PPP1R16B: variants seen among roughly 807,000 people sequenced by gnomAD.
PPP1R16B encodes the protein protein phosphatase 1 regulatory inhibitor subunit 16B.
In PPP1R16B, 14 loss-of-function variants were observed where a neutral mutation model predicts 61.7. The observed-to-expected ratio is 0.23, with a 90% CI of 0.15 to 0.35. The LOEUF is 0.35. Ranked by LOEUF, PPP1R16B falls within the 10% of genes least tolerant of loss-of-function variation. PPP1R16B has a pLI of 1.00. For missense variants in PPP1R16B, 547 were observed against 752.5 expected (o/e 0.73, Z 3.19); for synonymous variants, 266 against 305.3 (o/e 0.87, Z 1.34).
intron 2 of PPP1R16B, among the ~76,000 whole-genome samples, chr20:38,866,611 G>T (rs924332332): frequency 6.6e-6 from 1 of 152,160 alleles, no homozygotes; most frequent in Non-Finnish European, 1.5e-5. Flanking sequence ...CCATGGAGGG[G>T]ATACAGCCCG....
intron 1 of PPP1R16B, among the ~76,000 whole-genome samples, chr20:38,826,247 CTG>C (rs571249333): frequency 5.6e-4 from 85 of 152,280 alleles, no homozygotes; most frequent in African/African-American, 1.9e-3. Flanking sequence ...CCTGGAGAAA[CTG>C]TTTGTAATTT....
chr20:38,869,103 T>A (rs1268347517), intron 2 of PPP1R16B, among the ~76,000 whole-genome samples: 1 of 152,140 alleles, frequency 6.6e-6, no homozygotes, highest in Non-Finnish European at 1.5e-5. Flanking sequence ...GCTATTTTTT[T>A]CCTTTTTGTC....
In PPP1R16B at chr20:38,921,352, C is replaced by T. The variant is rs1239274885; in HGVS notation, c.*2686C>T. The T allele has an allele frequency of 1.3e-5, 2 of 152,228 alleles. No individual in the cohort carries two copies. The highest frequency in any genetic ancestry group is 6.5e-5 in the Admixed American group (1 of 15,278). 9.4% of individuals were successfully genotyped at this position (152,228 alleles called of 1,614,324 possible). Reference sequence around the variant, plus strand: ...TACTGAGTAGCTGCAACATGCCAGCCTCTACGTTAGGTTCTGCGGATAAAG... The same window carrying T: ...TACTGAGTAGCTGCAACATGCCAGCTTCTACGTTAGGTTCTGCGGATAAAG... On this transcript the variant is annotated 3_prime_UTR_variant, in exon 11 of 11. Transcript: ENST00000299824.
rs143633806 is a variant in PPP1R16B, at chr20:38,811,826, A to G, written c.-102+6034A>G. On this transcript the variant is annotated intron_variant, in intron 1 of 10. Coordinates refer to ENST00000299824, the MANE Select transcript of PPP1R16B (RefSeq NM_015568.4). ...CTGTGGTGCACAGGAGAGCACCCCC[A>G]CAACAGAAAATGATCTGATCCCAAA... Among the ~76,000 whole-genome samples the G allele has an allele frequency of 4.3e-3, 660 of 152,330 alleles. 2 individuals are homozygous for G. The highest frequency in any genetic ancestry group is 0.01 in the Middle Eastern group (3 of 294).
chr20:38,855,904 CTACATATATATATATATATATATA>C (rs1181468450), intron 2 of PPP1R16B, among the ~76,000 whole-genome samples: 3 of 50,142 alleles, frequency 6.0e-5, no homozygotes, highest in Non-Finnish European at 1.1e-4. Flanking sequence ...AGACAGTTTC[CTACATATATATATATATATATATA>C]TATATATATA....
chr20:38,896,260 T>C (rs2085348686), intron 4 of PPP1R16B, among the ~76,000 whole-genome samples: 1 of 137,834 alleles, frequency 7.3e-6, no homozygotes, highest in South Asian at 2.5e-4. Flanking sequence ...CTCCCTCCCT[T>C]CCTTTCTTCT....
At chr20:38,888,083 T>C (rs2085259808) in intron 2 of PPP1R16B, among the ~76,000 whole-genome samples, 1 of 152,262 alleles carries the variant, frequency 6.6e-6, no homozygotes, top group South Asian at 2.1e-4. Context: ...AGCTCACTTC[T>C]AATTTGTTTC....
intron 10 of PPP1R16B, among the ~76,000 whole-genome samples, chr20:38,912,378 A>G (rs2085498534): frequency 6.6e-6 from 1 of 151,900 alleles, no homozygotes; most frequent in East Asian, 1.9e-4. Flanking sequence ...AGAAATGCAG[A>G]CTTTGGCTGG....
At chr20:38,829,829 C>G (rs1451442287) in intron 1 of PPP1R16B, among the ~76,000 whole-genome samples, 2 of 152,240 alleles carry the variant, frequency 1.3e-5, no homozygotes, top group African/African-American at 4.8e-5. Flanking sequence ...GTGTGCGGGT[C>G]TATTGGGGGA....
chr20:38,884,604 C>A (rs564164724), intron 2 of PPP1R16B, among the ~76,000 whole-genome samples: 1 of 152,174 alleles, frequency 6.6e-6, no homozygotes. Flanking sequence ...TTGTCAGTCC[C>A]AATGAAGGTC....
At position 38,908,205 on chromosome 20, in the gene PPP1R16B, C is replaced by T. The variant is rs368497752; in HGVS notation, c.1194+12C>T. The stretch of plus-strand genomic sequence containing the variant: ...AGAATAAGGACCCTGTGAGTGGCCT[C>T]ACGCCCTGCCCTAGTGTCAGCCACT... On this transcript the variant is annotated intron_variant, in intron 10 of 10. Transcript: ENST00000299824. 1.6e-5 allele frequency: 26 copies of T among 1,613,904 alleles called. No individual in the cohort carries two copies. The highest frequency in any genetic ancestry group is 2.1e-5 in the Non-Finnish European group (25 of 1,179,960).
intron 5 of PPP1R16B, among the ~76,000 whole-genome samples, chr20:38,901,835 T>G (rs190019812): frequency 6.6e-6 from 1 of 152,380 alleles, no homozygotes; most frequent in Non-Finnish European, 1.5e-5. Flanking sequence ...CATTAAACAA[T>G]AAGATAACAG....
chr20:38,817,379 A>G (rs1045816646), intron 1 of PPP1R16B, among the ~76,000 whole-genome samples: 2 of 152,028 alleles, frequency 1.3e-5, no homozygotes, highest in Non-Finnish European at 2.9e-5. Context: ...CCTAGCCAAC[A>G]TGGTGAAACC....
At chr20:38,888,927 A>ACACACACACC (rs1484852590) in intron 2 of PPP1R16B, among the ~76,000 whole-genome samples, 1 of 129,966 alleles carries the variant, frequency 7.7e-6, no homozygotes, top group African/African-American at 2.9e-5. Context: ...ACACACACAC[A>ACACACACACC]CCCCTAGACA....
chr20:38,830,466 C>A (rs1310747513), intron 1 of PPP1R16B, among the ~76,000 whole-genome samples: 2 of 152,162 alleles, frequency 1.3e-5, no homozygotes, highest in African/African-American at 2.4e-5. Flanking sequence ...CTATTTCCAA[C>A]TGAAATAGAT....
intron 1 of PPP1R16B, among the ~76,000 whole-genome samples, chr20:38,809,380 T>G (rs1366291731): frequency 6.6e-6 from 1 of 152,142 alleles, no homozygotes; most frequent in Non-Finnish European, 1.5e-5. Context: ...CAAAAGACGT[T>G]TATTCCATCC....
intron 10 of PPP1R16B, among the ~76,000 whole-genome samples, chr20:38,910,327 TAC>T (rs2145782199): frequency 6.6e-6 from 1 of 152,240 alleles, no homozygotes; most frequent in South Asian, 2.1e-4. Flanking sequence ...TTTACAAATG[TAC>T]ACACTCAGAT....
intron 2 of PPP1R16B, among the ~76,000 whole-genome samples, chr20:38,865,750 C>A (rs208812): frequency 6.6e-6 from 1 of 151,992 alleles, no homozygotes; most frequent in Admixed American, 6.6e-5. Context: ...ATCTCCGGGT[C>A]TCCTGCTTCT....
chr20:38,846,786 T>A (rs1297120037), intron 2 of PPP1R16B, among the ~76,000 whole-genome samples: 3 of 152,134 alleles, frequency 2.0e-5, no homozygotes, highest in African/African-American at 7.2e-5. Context: ...GGAAGATCAC[T>A]TGAGCCCAGG....
Sources: allele counts gnomAD v4.1 joint callset (sites outside exome capture counted in the v4.1 genomes callset), GRCh38; gene constraint gnomAD v4.1.1; transcripts MANE v1.5; gene names NCBI Gene and HGNC (gene_info 2026-07-23, HGNC 2026-07-21).